SULF1: variants seen among roughly 807,000 people sequenced by gnomAD.
SULF1 encodes the protein sulfatase 1.
A neutral mutation model predicts 110.5 loss-of-function variants in SULF1; 46 were observed. The ratio of observed to expected loss-of-function variants is 0.42; its 90% CI spans 0.33 to 0.53. The LOEUF (loss-of-function observed/expected upper bound fraction) is 0.53. Among genes scored for constraint, SULF1 ranks in the 20% least tolerant of loss-of-function variants. The probability of loss-of-function intolerance (pLI) is 0.12; values close to 1 mark genes in which losing one functional copy is unlikely to be tolerated. For missense variants in SULF1, 941 were observed against 1,094.2 expected (o/e 0.86, Z 1.98); for synonymous variants, 371 against 387.1 (o/e 0.96, Z 0.49).
Position 69,624,121 on chromosome 8 carries a change from G to C in SULF1, c.1774G>C (p.Gly592Arg). Residue 592 changes from glycine to arginine, a missense_variant, in exon 15 of 23, where the codon GGT becomes CGT. Coordinates refer to ENST00000402687, the MANE Select transcript of SULF1 (RefSeq NM_001128205.2). ...GCCAAGAGATCTCCAGGCTTCCAGT[G>C]GTGGCAACAGGGGCAGGATGCTGGC... The part of the protein sequence containing the change: ...KGPRDLQASS[G>R]GNRGRMLADS... 6.2e-7 allele frequency: 1 copy of C among 1,613,712 alleles called. No individual in the cohort carries two copies. The highest frequency in any genetic ancestry group is 8.5e-7 in the Non-Finnish European group (1 of 1,179,712).
At chr8:69,648,614 A>T (rs192354886) in intron 22 of SULF1, among the ~76,000 whole-genome samples, 58 of 152,316 alleles carry the variant, frequency 3.8e-4, no homozygotes, top group Non-Finnish European at 7.2e-4. Flanking sequence ...AGAGCCTGGT[A>T]CTTTCAGGAC....
At position 69,569,259 on chromosome 8, in the gene SULF1, G is replaced by A. The variant is rs73683981; in HGVS notation, c.172+5112G>A. Among the ~76,000 whole-genome samples, 914 of 152,258 alleles carry A rather than the reference G, an allele frequency of 6.0e-3. 9 individuals are homozygous for A. Among genetic ancestry groups the A allele is most frequent in the African/African-American group, 0.021 (853 of 41,544 alleles). The stretch of plus-strand genomic sequence containing the variant: ...TTTTGTTTCTTTAAAACAAAAGCCA[G>A]AACACAAGATATTCAGACCAGAGCT... On this transcript the variant is annotated intron_variant, in intron 5 of 22. Transcript: ENST00000402687.
At chr8:69,564,275 G>T in intron 5 of SULF1, 128 bp downstream of exon 5, 2 of 1,118,342 alleles carry the variant, frequency 1.8e-6, no homozygotes, top group East Asian at 4.8e-5. Flanking sequence ...CCTAGTTTAC[G>T]CAATGAACTT....
At chr8:69,579,843 G>A (rs887066029) in intron 6 of SULF1, among the ~76,000 whole-genome samples, 1 of 152,164 alleles carries the variant, frequency 6.6e-6, no homozygotes, top group Non-Finnish European at 1.5e-5. Flanking sequence ...GAAAGTCAAT[G>A]TGTAAAGATT....
intron 17 of SULF1, 81 bp downstream of exon 17, chr8:69,627,947 C>A: frequency 9.5e-7 from 1 of 1,055,958 alleles, no homozygotes; most frequent in Non-Finnish European, 1.4e-6. Context: ...GCTCATTTTT[C>A]TCTCTTACCT....
At chr8:69,642,932 T>C (rs1811592481) in intron 22 of SULF1, among the ~76,000 whole-genome samples, 1 of 152,166 alleles carries the variant, frequency 6.6e-6, no homozygotes, top group African/African-American at 2.4e-5. Context: ...TGAGGTCACT[T>C]TCACATAATC....
intron 3 of SULF1, among the ~76,000 whole-genome samples, chr8:69,554,992 AAAAAAAC>A (rs1563525986): frequency 1.1e-4 from 10 of 88,498 alleles, no homozygotes; most frequent in South Asian, 3.5e-4. Flanking sequence ...AAAAAAAAAA[AAAAAAAC>A]AAAAAAAAAA....
At chr8:69,509,459 G>A (rs913976513) in intron 3 of SULF1, among the ~76,000 whole-genome samples, 1 of 152,176 alleles carries the variant, frequency 6.6e-6, no homozygotes, top group African/African-American at 2.4e-5. Flanking sequence ...CAAAATAAAA[G>A]TGAAAAATAT....
chr8:69,648,098 A>ATTTTGG (rs1812065033), intron 22 of SULF1, among the ~76,000 whole-genome samples: 1 of 151,574 alleles, frequency 6.6e-6, no homozygotes, highest in Non-Finnish European at 1.5e-5. Context: ...ACCCAAGATG[A>ATTTTGG]ATACCAGTTT....
At chr8:69,500,387 A>G (rs1342352278) in intron 2 of SULF1, among the ~76,000 whole-genome samples, 1 of 152,196 alleles carries the variant, frequency 6.6e-6, no homozygotes, top group Non-Finnish European at 1.5e-5. Flanking sequence ...AAGGCCACAT[A>G]GCCAGTGAAT....
intron 22 of SULF1, among the ~76,000 whole-genome samples, chr8:69,658,115 A>T (rs1586652583): frequency 1.3e-5 from 2 of 152,194 alleles, no homozygotes; most frequent in East Asian, 1.9e-4. Flanking sequence ...AGTAGTAATG[A>T]TTTTATCATA....
intron 5 of SULF1, among the ~76,000 whole-genome samples, chr8:69,566,960 G>C (rs1198625785): frequency 6.6e-6 from 1 of 152,212 alleles, no homozygotes; most frequent in African/African-American, 2.4e-5. Context: ...AAGTCATGTA[G>C]CTTGTGGTGA....
In SULF1 at chr8:69,526,798, A is replaced by AAAGGAAGGAAGGAAGGAAGG. The variant is rs5892198; in HGVS notation, c.-134+24855_-134+24874dup. Among the ~76,000 whole-genome samples the AAAGGAAGGAAGGAAGGAAGG allele has an allele frequency of 4.3e-3, 483 of 112,278 alleles. 5 individuals are homozygous for AAAGGAAGGAAGGAAGGAAGG. Among genetic ancestry groups the AAAGGAAGGAAGGAAGGAAGG allele is most frequent in the African/African-American group, 7.3e-3 (216 of 29,426 alleles). 73.7% of individuals were successfully genotyped at this position (112,278 alleles called of 152,430 possible). Reference sequence around the variant, plus strand: ...AGAGTGAGACCCTGTGTCAAGAAAGAAAGGAAGGAAGGAAGGAAGGAAGGA... The same window carrying AAAGGAAGGAAGGAAGGAAGG: ...AGAGTGAGACCCTGTGTCAAGAAAGAAAGGAAGGAAGGAAGGAAGGAAGGAAGGAAGGAAGGAAGGAAGGA... On this transcript the variant is annotated intron_variant, in intron 3 of 22. Coordinates refer to ENST00000402687, the MANE Select transcript of SULF1 (RefSeq NM_001128205.2).
chr8:69,555,816 A>T (rs1455682256), intron 3 of SULF1, among the ~76,000 whole-genome samples: 1 of 152,216 alleles, frequency 6.6e-6, no homozygotes, highest in Admixed American at 6.5e-5. Flanking sequence ...GTAGTACAAG[A>T]TAGTGTTTCC....
chr8:69,603,725 T>G, intron 12 of SULF1, 69 bp downstream of exon 12: 1 of 1,064,726 alleles, frequency 9.4e-7, no homozygotes, highest in Non-Finnish European at 1.5e-6. Context: ...CTGAGTATTT[T>G]TTTTCTCCTT....
intron 3 of SULF1, among the ~76,000 whole-genome samples, chr8:69,521,742 G>A (rs186003746): frequency 1.3e-5 from 2 of 151,612 alleles, no homozygotes. Context: ...GCCACGGCAG[G>A]ATTTTGTACA....
chr8:69,636,890 G>A (rs1811077535), intron 19 of SULF1, among the ~76,000 whole-genome samples: 1 of 152,148 alleles, frequency 6.6e-6, no homozygotes, highest in African/African-American at 2.4e-5. Context: ...GATTCAGAAA[G>A]CTGTAGTGGA....
intron 22 of SULF1, among the ~76,000 whole-genome samples, chr8:69,644,354 G>C (rs1427726554): frequency 6.6e-6 from 1 of 152,206 alleles, no homozygotes; most frequent in Non-Finnish European, 1.5e-5. Context: ...CATTGGTAAA[G>C]GATAATGCTG....
intron 3 of SULF1, among the ~76,000 whole-genome samples, chr8:69,541,646 G>A (rs1450800816): frequency 2.0e-5 from 3 of 152,172 alleles, no homozygotes; most frequent in Non-Finnish European, 2.9e-5. Context: ...TGTTCAAATA[G>A]GGTACCACAG....
Sources: allele counts gnomAD v4.1 joint callset (sites outside exome capture counted in the v4.1 genomes callset), GRCh38; gene constraint gnomAD v4.1.1; transcripts MANE v1.5; gene names NCBI Gene and HGNC (gene_info 2026-07-23, HGNC 2026-07-21).